Variants in CSNK2A1 observed in about 807,000 individuals in gnomAD.
CSNK2A1 encodes the protein casein kinase II subunit alpha.
Under a neutral mutation model 62.9 loss-of-function variants are expected in CSNK2A1, and 10 were observed. That is an observed-to-expected ratio of 0.16 (90% CI 0.10 to 0.27). CSNK2A1 has a LOEUF of 0.27. Among genes scored for constraint, CSNK2A1 ranks in the 10% least tolerant of loss-of-function variants. The pLI is 1.00. For synonymous variants in CSNK2A1, 124 were observed against 167.8 expected (o/e 0.74, Z 2.02); for missense variants, 160 against 492.0 (o/e 0.33, Z 6.38).
intron 1 of CSNK2A1, among the ~76,000 whole-genome samples, chr20:536,094 A>C (rs1352505398): frequency 6.6e-6 from 1 of 152,186 alleles, no homozygotes; most frequent in African/African-American, 2.4e-5. Context: ...AGGACTAGGT[A>C]ATAGACACTG....
rs1568485987 is a variant in CSNK2A1, at chr20:477,513, GT to G, written c.*6447del. ...GGCAACAACAGCTAGTATTCTTCTA[GT>G]TTTTACCACCCCCACCACCTCAATC... On this transcript the variant is annotated 3_prime_UTR_variant, in exon 14 of 14. Transcript: ENST00000217244. 6.6e-6 allele frequency: 1 copy of G among 152,408 alleles called. No individual in the cohort carries two copies. Among genetic ancestry groups the G allele is most frequent in the Non-Finnish European group, 1.5e-5 (1 of 68,278 alleles). The allele number at this position is 152,408 out of a possible 1,614,324, so 9.4% of individuals were successfully genotyped here. A position where few individuals can be genotyped will look rare whatever the true frequency, so the allele number is the denominator to read the frequency against.
chr20:506,111 T>C (rs74181544), intron 3 of CSNK2A1: 3,234 of 150,722 alleles, frequency 0.021, 29 homozygotes, highest in African/African-American at 0.033. Context: ...CTCCTGACCT[T>C]GTGATCCGCC....
intron 2 of CSNK2A1, among the ~76,000 whole-genome samples, chr20:523,125 T>A (rs1040204112): frequency 6.6e-6 from 1 of 152,200 alleles, no homozygotes; most frequent in East Asian, 1.9e-4. Flanking sequence ...AATATTTAAC[T>A]TGAAATGCTA....
Position 478,645 on chromosome 20 carries a change from T to C in CSNK2A1, c.*5316A>G. The C allele has an allele frequency of 2.3e-6, 1 of 433,962 alleles. No homozygotes were observed. The highest frequency in any genetic ancestry group is 1.6e-5 in the South Asian group (1 of 62,818). The allele number at this position is 433,962 out of a possible 1,614,324, so 26.9% of individuals were successfully genotyped here. A position where few individuals can be genotyped will look rare whatever the true frequency, so the allele number is the denominator to read the frequency against. On this transcript the variant is annotated 3_prime_UTR_variant, in exon 14 of 14. Transcript: ENST00000217244. The stretch of plus-strand genomic sequence containing the variant: ...CATTGAGGCCAATAAGAATCCCTAG[T>C]GGGCCAGGTGTGGTGGCTCATGCCT...
At chr20:485,224 C>G (rs758183321) in intron 13 of CSNK2A1, among the ~76,000 whole-genome samples, 1 of 147,932 alleles carries the variant, frequency 6.8e-6, no homozygotes, top group Non-Finnish European at 1.5e-5. Flanking sequence ...CTCACTCTCA[C>G]CCAGGCTGGA....
At chr20:541,833 C>A (rs1197142089) in intron 1 of CSNK2A1, among the ~76,000 whole-genome samples, 2 of 152,178 alleles carry the variant, frequency 1.3e-5, no homozygotes, top group East Asian at 3.8e-4. Flanking sequence ...TCCAATCTTG[C>A]ATTCTTTCTT....
intron 2 of CSNK2A1, among the ~76,000 whole-genome samples, chr20:518,065 A>C (rs1245606623): frequency 2.0e-5 from 3 of 152,170 alleles, no homozygotes; most frequent in African/African-American, 7.2e-5. Flanking sequence ...TCCTGGGCTC[A>C]AGTAATCCTC....
Position 491,847 on chromosome 20 carries a change from C to G in CSNK2A1, c.621+407G>C, listed in dbSNP as rs534421582. On this transcript the variant is annotated intron_variant, in intron 9 of 13. Transcript: ENST00000217244. ...GCTGAGGCAGGAGAAAGGTGTGAAC[C>G]TGGGAGGCGGAGCTTGCAGTGAGCC... is the stretch of plus-strand genomic sequence containing the variant. 1.2e-4 allele frequency among the ~76,000 whole-genome samples: 18 copies of G among 152,250 alleles called. No homozygotes were observed. In the East Asian group the frequency reaches 3.5e-3, roughly 29 times the overall value.
At chr20:525,474 A>T (rs1406201657) in intron 2 of CSNK2A1, among the ~76,000 whole-genome samples, 1 of 151,768 alleles carries the variant, frequency 6.6e-6, no homozygotes, top group Non-Finnish European at 1.5e-5. Flanking sequence ...AACATGGTGA[A>T]ACCCCGTCTC....
At chr20:485,107 A>AT (rs1568496519) in intron 13 of CSNK2A1, among the ~76,000 whole-genome samples, 4 of 17,728 alleles carry the variant, frequency 2.3e-4, no homozygotes, top group African/African-American at 6.8e-4. Context: ...AAAAAAAAAA[A>AT]AAATATATAT....
At position 477,820 on chromosome 20, in the gene CSNK2A1, C is replaced by CT; in HGVS notation, c.*6140_*6141insA. On this transcript the variant is annotated 3_prime_UTR_variant, in exon 14 of 14. Coordinates refer to ENST00000217244, the MANE Select transcript of CSNK2A1 (RefSeq NM_177559.3). ...CAGCCTGACCAACATGGAGAAACCC[C>CT]GTCTCTACTAAAAATACAAAATTAG... 1 of 152,242 alleles carries CT rather than the reference C, an allele frequency of 6.6e-6. No homozygotes were observed. The allele number at this position is 152,242 out of a possible 1,614,324, so 9.4% of individuals were successfully genotyped here.
In CSNK2A1 at chr20:479,145, C is replaced by T. The variant is rs1394871246; in HGVS notation, c.*4816G>A. ...TCTTCTAGTAAAGACACTTTACTGC[C>T]ACCTGCTGGAAAAGAGTCAGAAATT... On this transcript the variant is annotated 3_prime_UTR_variant, in exon 14 of 14. Coordinates refer to ENST00000217244, the MANE Select transcript of CSNK2A1 (RefSeq NM_177559.3). 1.3e-5 allele frequency: 2 copies of T among 152,304 alleles called. No homozygotes were observed. The highest frequency in any genetic ancestry group is 2.9e-5 in the Non-Finnish European group (2 of 68,142). The allele number at this position is 152,304 out of a possible 1,614,324, so 9.4% of individuals were successfully genotyped here.
chr20:491,214 T>C (rs2094198361), intron 9 of CSNK2A1, among the ~76,000 whole-genome samples: 1 of 152,244 alleles, frequency 6.6e-6, no homozygotes, highest in African/African-American at 2.4e-5. Context: ...CTTCAGATTT[T>C]TAAACACTTG....
chr20:503,498 C>A (rs2018511582), intron 4 of CSNK2A1: 1 of 398,512 alleles, frequency 2.5e-6, no homozygotes, highest in African/African-American at 2.1e-5. Flanking sequence ...TACTGTGGAA[C>A]ACTTTACATT....
intron 1 of CSNK2A1, among the ~76,000 whole-genome samples, chr20:536,258 C>T (rs1214645506): frequency 2.0e-5 from 3 of 152,072 alleles, no homozygotes; most frequent in African/African-American, 7.2e-5. Context: ...CTCTTGGCAG[C>T]AGAAAATGAA....
At position 485,083 on chromosome 20, in the gene CSNK2A1, AAAAAAAAAAAAAAAAAAAAAAAAAAAAT is replaced by A. The variant is rs2018045883; in HGVS notation, c.1061-1035_1061-1008del. On this transcript the variant is annotated intron_variant, in intron 13 of 13. Transcript: ENST00000217244. ...CTTGTCTCCAAAAAAAAAAAAAAAA[AAAAAAAAAAAAAAAAAAAAAAAAAAAAT>A]ATATATATATATATATATATATATA... Among the ~76,000 whole-genome samples, 12 of 35,800 alleles carry A rather than the reference AAAAAAAAAAAAAAAAAAAAAAAAAAAAT, an allele frequency of 3.4e-4. 1 individual carries two copies. The highest frequency in any genetic ancestry group is 1.1e-3 in the African/African-American group (11 of 9,616). 23.5% of individuals were successfully genotyped at this position (35,800 alleles called of 152,430 possible).
intron 1 of CSNK2A1, 147 bp downstream of exon 1, chr20:543,525 G>A (rs552119897): frequency 5.1e-6 from 2 of 394,424 alleles, no homozygotes; most frequent in Non-Finnish European, 4.5e-6. Context: ...CAGGGGCCTC[G>A]CTTGGTTTAT....
Position 499,765 on chromosome 20 carries a change from G to GTTCT in CSNK2A1, c.315+67_315+68insAGAA. ...GGGTTGGGGGAGGGAACAAAAAGAG[G>GTTCT]CCAGTTGTGCTCCAGGTCAAACACC... On this transcript the variant is annotated intron_variant, in intron 5 of 13. Transcript: ENST00000217244. This position sits in a 1 kb window ranked among gnomAD's most constrained non-coding sequence, Gnocchi z 4.2. The GTTCT allele has an allele frequency of 6.8e-7, 1 of 1,462,770 alleles. No homozygotes were observed. The highest frequency in any genetic ancestry group is 9.6e-7 in the Non-Finnish European group (1 of 1,047,100). The allele number at this position is 1,462,770 out of a possible 1,614,324, so 90.6% of individuals were successfully genotyped here.
At chr20:509,127 A>G (rs1295934474) in intron 2 of CSNK2A1, among the ~76,000 whole-genome samples, 1 of 152,260 alleles carries the variant, frequency 6.6e-6, no homozygotes, top group Non-Finnish European at 1.5e-5. Context: ...TGATGAAACC[A>G]GGAAGAGAAT....
Sources: allele counts gnomAD v4.1 joint callset (sites outside exome capture counted in the v4.1 genomes callset), GRCh38; gene constraint gnomAD v4.1.1; non-coding constraint Gnocchi (gnomAD v3.1); transcripts MANE v1.5; gene names NCBI Gene and HGNC (gene_info 2026-07-23, HGNC 2026-07-21).